Variants in FRMD4B observed in about 807,000 individuals in gnomAD.
FRMD4B encodes the protein FERM domain-containing protein 4B.
FRMD4B carries 74 observed loss-of-function variants against 141.5 expected under a neutral mutation model. That is an observed-to-expected ratio of 0.52 (90% CI 0.43 to 0.63). FRMD4B has a LOEUF of 0.63. Among genes scored for constraint, FRMD4B ranks in the 30% least tolerant of loss-of-function variants. FRMD4B has a pLI of 0.00. For synonymous variants in FRMD4B, 506 were observed against 467.9 expected, an observed-to-expected ratio of 1.08 and a Z score of -1.05; for missense variants, 1,366 against 1,253.4, an observed-to-expected ratio of 1.09 and a Z score of -1.36.
At chr3:69,438,524 C>T (rs1022342750) in intron 1 of FRMD4B, among the ~76,000 whole-genome samples, 2 of 152,168 alleles carry the variant, frequency 1.3e-5, no homozygotes, top group African/African-American at 4.8e-5. Context: ...TTGAATGTGT[C>T]ATTCTGCTAA....
chr3:69,536,395 G>T, intron 1 of FRMD4B: 1 of 714,054 alleles, frequency 1.4e-6, no homozygotes, highest in Non-Finnish European at 2.6e-6. Flanking sequence ...CATGCCAGTG[G>T]CCAGCGCCTG....
At chr3:69,426,321 C>CGTGT (rs55653336) in intron 2 of FRMD4B, among the ~76,000 whole-genome samples, 6,828 of 149,764 alleles carry the variant, frequency 0.046, 396 homozygotes, top group African/African-American at 0.14. Context: ...CTTTTAAAAG[C>CGTGT]GTGTGTGTGT....
At chr3:69,455,804 T>C (rs1171813611) in intron 1 of FRMD4B, among the ~76,000 whole-genome samples, 2 of 152,174 alleles carry the variant, frequency 1.3e-5, no homozygotes, top group Non-Finnish European at 2.9e-5. Context: ...TTAATAAATT[T>C]TTAAACATTG....
chr3:69,385,912 G>A lies in FRMD4B; in HGVS notation c.78C>T (p.Ser26=). The A allele has an allele frequency of 1.9e-6, 3 of 1,605,060 alleles. No individual in the cohort carries two copies. The highest frequency in any genetic ancestry group is 2.6e-6 in the Non-Finnish European group (3 of 1,176,334). ...TCTCCGTGTACCATCTCCGCAGCGT[G>A]GACACGGTCAAGTTCCATACGAAGC... The part of the protein sequence containing the change: ...GSRFVWNLTV[S]TLRRWYTERL... Residue 26 remains serine (S), a synonymous_variant, in exon 1 of 23, where the codon TCC becomes TCT. Coordinates refer to ENST00000398540, the MANE Select transcript of FRMD4B (RefSeq NM_015123.3).
At chr3:69,358,060 G>T (rs1430714647) in intron 1 of FRMD4B, among the ~76,000 whole-genome samples, 1 of 152,182 alleles carries the variant, frequency 6.6e-6, no homozygotes, top group African/African-American at 2.4e-5. Context: ...CACTTTATTT[G>T]TCACCTCATA....
chr3:69,331,713 T>C (rs1463119033), intron 1 of FRMD4B, among the ~76,000 whole-genome samples: 1 of 152,072 alleles, frequency 6.6e-6, no homozygotes, highest in East Asian at 1.9e-4. Context: ...TGAGATAAGA[T>C]GTATAAAATG....
intron 7 of FRMD4B, among the ~76,000 whole-genome samples, chr3:69,231,597 C>T (rs1347499007): frequency 6.6e-6 from 1 of 152,166 alleles, no homozygotes; most frequent in African/African-American, 2.4e-5. Context: ...CCAGCTGCAT[C>T]CTTCTAATTT....
intron 1 of FRMD4B, among the ~76,000 whole-genome samples, chr3:69,458,873 AG>A (rs761362760): frequency 4.1e-5 from 6 of 147,230 alleles, no homozygotes; most frequent in Non-Finnish European, 6.1e-5. Flanking sequence ...AAAAAAAAAA[AG>A]GAGTCTAATT....
rs1559790583 is a variant in FRMD4B at position 69,302,365 on chromosome 3, T to C, written c.394A>G (p.Thr132Ala). ...TACCTCACAGCAAAGTGCAAAATGG[T>C]TGGGCCTGGTTTCTTGGGCAAATCG... ...DHDLPKKPGPTILHFAVRFYI... is the reference protein window; with the variant it reads ...DHDLPKKPGPAILHFAVRFYI... Residue 132 changes from threonine (T) to alanine (A), a missense_variant, in exon 4 of 23, where the codon ACC becomes GCC. Thr to Ala is a moderately conservative substitution (Grantham distance 58). Coordinates refer to ENST00000398540, the MANE Select transcript of FRMD4B (RefSeq NM_015123.3). The C allele has an allele frequency of 1.2e-6, 2 of 1,604,486 alleles. No individual in the cohort carries two copies.
At chr3:69,540,176 G>C (rs1306238847) in intron 1 of FRMD4B, among the ~76,000 whole-genome samples, 2 of 96,076 alleles carry the variant, frequency 2.1e-5, no homozygotes, top group Non-Finnish European at 3.9e-5. Flanking sequence ...CTGGGTGACA[G>C]AGTTCGAAGG....
At chr3:69,287,983 C>T (rs1480984705) in intron 4 of FRMD4B, 147 bp from the exon 5 acceptor site, 6 of 575,484 alleles carry the variant, frequency 1.0e-5, no homozygotes, top group East Asian at 2.9e-5. Context: ...AAATATGCAC[C>T]GCACGTATTT....
rs553026438 is a variant in FRMD4B, at chr3:69,477,086, A to T, written c.-128-44325T>A. The stretch of plus-strand genomic sequence containing the variant: ...TGAGACTTTGCTGAGGTTGCTTACC[A>T]GCTTAAGGAGATTTTGGGCTGAGAC... On this transcript the variant is annotated intron_variant, in intron 1 of 5. Coordinates refer to the FRMD4B transcript ENST00000459638. 2.8e-3 allele frequency among the ~76,000 whole-genome samples: 421 copies of T among 152,312 alleles called. 2 individuals are homozygous for T. Among genetic ancestry groups the T allele is most frequent in the African/African-American group, 9.5e-3 (394 of 41,554 alleles).
Position 69,176,641 on chromosome 3 carries a change from G to T in FRMD4B, c.2867C>A (p.Ala956Asp). 6.2e-7 allele frequency: 1 copy of T among 1,601,900 alleles called. No individual in the cohort carries two copies. The highest frequency in any genetic ancestry group is 8.6e-7 in the Non-Finnish European group (1 of 1,169,518). ...TAACTGGGTCCTCCAGTTCCCAGAA[G>T]CATTTGTAGAAGACACTGGAAATAA... ...SSYSSVSSTN[A>D]SGNWRTQLTI... The change falls in exon 22 of 23, where the codon GCT (alanine) becomes GAT (aspartate). Residue 956 changes from alanine to aspartate, a missense_variant. Physicochemically the swap from Ala to Asp is moderately radical, Grantham distance 126. Transcript: ENST00000398540.
chr3:69,245,317 T>G (rs367996954), intron 7 of FRMD4B, among the ~76,000 whole-genome samples: 1 of 143,058 alleles, frequency 7.0e-6, no homozygotes, highest in Admixed American at 7.0e-5. Context: ...CTGACTTTCT[T>G]TGTGTGTGTG....
At chr3:69,433,877 A>G (rs1014705547) in intron 1 of FRMD4B, among the ~76,000 whole-genome samples, 3 of 152,182 alleles carry the variant, frequency 2.0e-5, no homozygotes, top group Admixed American at 6.5e-5. Context: ...TCAGTGAAAC[A>G]TTAGGCAAAA....
At chr3:69,456,352 C>T (rs769825236) in intron 1 of FRMD4B, among the ~76,000 whole-genome samples, 5 of 152,126 alleles carry the variant, frequency 3.3e-5, no homozygotes, top group Non-Finnish European at 7.3e-5. Context: ...ATTCATATGC[C>T]TTTTGACTCA....
chr3:69,496,530 G>C (rs1414770303), intron 1 of FRMD4B, among the ~76,000 whole-genome samples: 1 of 151,428 alleles, frequency 6.6e-6, no homozygotes, highest in East Asian at 2.0e-4. Context: ...AAGACTATAA[G>C]CCATAAGCTG....
chr3:69,355,075 T>C (rs1703274065), intron 1 of FRMD4B, among the ~76,000 whole-genome samples: 1 of 151,046 alleles, frequency 6.6e-6, no homozygotes, highest in Non-Finnish European at 1.5e-5. Flanking sequence ...GCATCATATA[T>C]GGAGATTGAA....
intron 1 of FRMD4B, among the ~76,000 whole-genome samples, chr3:69,364,844 C>T (rs1388788360): frequency 6.6e-6 from 1 of 151,560 alleles, no homozygotes; most frequent in African/African-American, 2.4e-5. Flanking sequence ...ATTCTGTTCT[C>T]CTACCCCAAG....
Sources: allele counts gnomAD v4.1 joint callset (sites outside exome capture counted in the v4.1 genomes callset), GRCh38; gene constraint gnomAD v4.1.1; transcripts MANE v1.5; gene names NCBI Gene and HGNC (gene_info 2026-07-23, HGNC 2026-07-21).